Variants in PPARGC1A observed in about 807,000 individuals in gnomAD.
The protein encoded by PPARGC1A is peroxisome proliferator-activated receptor gamma coactivator 1-alpha.
A neutral mutation model predicts 88.7 loss-of-function variants in PPARGC1A; 25 were observed. The observed-to-expected ratio is 0.28, with a 90% confidence interval of 0.21 to 0.39. The LOEUF is 0.39. Among genes scored for constraint, PPARGC1A ranks in the 10% least tolerant of loss-of-function variants. PPARGC1A has a pLI of 1.00. For synonymous variants in PPARGC1A, 363 were observed against 355.6 expected (o/e 1.02, Z -0.24); for missense variants, 880 against 968.7 (o/e 0.91, Z 1.22).
the PPARGC1A span, among the ~76,000 whole-genome samples, chr4:24,082,243 G>A: frequency 3.2e-4 from 48 of 152,226 alleles, no homozygotes; most frequent in African/African-American, 1.1e-3. Context: ...TATAAATGGT[G>A]AGCATTTAAA....
chr4:24,388,125 A>G, the PPARGC1A span, among the ~76,000 whole-genome samples: 1 of 134,524 alleles, frequency 7.4e-6, no homozygotes, highest in African/African-American at 2.9e-5. Flanking sequence ...TCTACAAGGA[A>G]CTTAAACAAA....
At chr4:24,081,901 T>C in the PPARGC1A span, among the ~76,000 whole-genome samples, 8 of 152,024 alleles carry the variant, frequency 5.3e-5, no homozygotes, top group South Asian at 1.7e-3. Context: ...TCTGGGTCTA[T>C]TCATTTGTCC....
the PPARGC1A span, among the ~76,000 whole-genome samples, chr4:24,266,384 A>G: frequency 6.6e-6 from 1 of 152,120 alleles, no homozygotes; most frequent in Non-Finnish European, 1.5e-5. Context: ...GGTGGAAAGT[A>G]ACCCTCTGAA....
At chr4:23,977,054 G>GGAA in the PPARGC1A span, among the ~76,000 whole-genome samples, 8 of 151,612 alleles carry the variant, frequency 5.3e-5, no homozygotes, top group Admixed American at 2.0e-4. Flanking sequence ...AAGAGGAAGA[G>GGAA]GAAGAAGAAG....
chr4:24,123,236 C>CAG, the PPARGC1A span, among the ~76,000 whole-genome samples: 1 of 152,308 alleles, frequency 6.6e-6, no homozygotes, highest in South Asian at 2.1e-4. Context: ...CAAGCCAGAA[C>CAG]AGACCTCTGC....
chr4:23,896,792 T>C (rs942182219), intron 1 of PPARGC1A, among the ~76,000 whole-genome samples: 4 of 152,182 alleles, frequency 2.6e-5, no homozygotes, highest in Admixed American at 6.5e-5. Context: ...GAATAATTCT[T>C]GAGAAGAGGG....
the PPARGC1A span, among the ~76,000 whole-genome samples, chr4:24,001,358 C>A: frequency 0.35 from 53,112 of 152,102 alleles, 9,790 homozygotes; most frequent in Non-Finnish European, 0.42. Context: ...TTTGCTGACA[C>A]TGGCACCTAT....
At chr4:23,902,559 T>C (rs1227296699), upstream of PPARGC1A, among the ~76,000 whole-genome samples, 1 of 152,156 alleles carries the variant, frequency 6.6e-6, no homozygotes, top group Admixed American at 6.5e-5. Flanking sequence ...TTGCAAAACA[T>C]ATAGAGAGTA....
At chr4:24,122,878 A>C in the PPARGC1A span, among the ~76,000 whole-genome samples, 1 of 152,172 alleles carries the variant, frequency 6.6e-6, no homozygotes, top group Non-Finnish European at 1.5e-5. Context: ...GGTGCTGGCA[A>C]TTTGAGGAAC....
chr4:24,371,668 C>T, the PPARGC1A span, among the ~76,000 whole-genome samples: 22 of 151,738 alleles, frequency 1.4e-4, no homozygotes, highest in African/African-American at 4.8e-4. Flanking sequence ...GGGCAGGGCG[C>T]GGTGGCTCAT....
the PPARGC1A span, among the ~76,000 whole-genome samples, chr4:23,964,908 T>A: frequency 2.6e-5 from 4 of 152,180 alleles, no homozygotes; most frequent in Non-Finnish European, 2.9e-5. Flanking sequence ...GAAAAAACCT[T>A]GTCTCCCTCC....
At chr4:23,913,009 G>C in the PPARGC1A span, among the ~76,000 whole-genome samples, 1 of 147,292 alleles carries the variant, frequency 6.8e-6, no homozygotes, top group Non-Finnish European at 1.5e-5. Flanking sequence ...GTTTCACCAT[G>C]TTAGCCAGGA....
At chr4:24,181,346 T>C in the PPARGC1A span, among the ~76,000 whole-genome samples, 1 of 152,310 alleles carries the variant, frequency 6.6e-6, no homozygotes, top group East Asian at 1.9e-4. Context: ...ATTTCCCTCA[T>C]ATTATTAGTC....
chr4:23,986,267 C>G, the PPARGC1A span, among the ~76,000 whole-genome samples: 1 of 152,024 alleles, frequency 6.6e-6, no homozygotes, highest in Non-Finnish European at 1.5e-5. Context: ...TTTACATATA[C>G]TTAATAAAGA....
chr4:24,263,284 A>G, the PPARGC1A span, among the ~76,000 whole-genome samples: 211 of 152,302 alleles, frequency 1.4e-3, 1 homozygote, highest in African/African-American at 4.8e-3. Context: ...GATATGTCCA[A>G]TGGTGATAAA....
chr4:23,857,293 A>G (rs1305688311), intron 2 of PPARGC1A, among the ~76,000 whole-genome samples: 1 of 150,472 alleles, frequency 6.6e-6, no homozygotes, highest in African/African-American at 2.4e-5. Context: ...AGAAACCACA[A>G]GATGGAGGAC....
chr4:23,888,225 C>T (rs1436595733), intron 1 of PPARGC1A, among the ~76,000 whole-genome samples: 1 of 152,204 alleles, frequency 6.6e-6, no homozygotes, highest in African/African-American at 2.4e-5. Flanking sequence ...CAATCTCAGC[C>T]GACTGGCGAC....
At chr4:24,186,008 A>T in the PPARGC1A span, among the ~76,000 whole-genome samples, 3 of 152,254 alleles carry the variant, frequency 2.0e-5, no homozygotes, top group South Asian at 6.2e-4. Flanking sequence ...AGAAAAAAAA[A>T]TTATTAAAGT....
the PPARGC1A span, among the ~76,000 whole-genome samples, chr4:23,982,672 G>C: frequency 3.3e-5 from 5 of 152,070 alleles, no homozygotes; most frequent in Admixed American, 3.3e-4. Flanking sequence ...TTTAAATCCT[G>C]GCTCTGTCAC....
Sources: allele counts gnomAD v4.1 joint callset (sites outside exome capture counted in the v4.1 genomes callset), GRCh38; gene constraint gnomAD v4.1.1; transcripts MANE v1.5; gene names NCBI Gene and HGNC (gene_info 2026-07-23, HGNC 2026-07-21).